Variants in GNAQ observed in about 807,000 individuals in gnomAD.
The protein encoded by GNAQ is guanine nucleotide-binding protein G(q) subunit alpha.
A neutral mutation model predicts 43.9 loss-of-function variants in GNAQ; 8 were observed. The observed-to-expected ratio is 0.18, with a 90% CI of 0.11 to 0.33. GNAQ has a LOEUF of 0.33. Among genes scored for constraint, GNAQ ranks in the 10% least tolerant of loss-of-function variants. The pLI, the probability that GNAQ is intolerant of heterozygous loss-of-function variation, is 1.00. For synonymous variants in GNAQ, 155 were observed against 170.7 expected (o/e 0.91, Z 0.71); for missense variants, 158 against 450.8 (o/e 0.35, Z 5.88).
intron 1 of GNAQ, among the ~76,000 whole-genome samples, chr9:77,977,809 A>G (rs990825930): frequency 2.6e-5 from 4 of 152,192 alleles, no homozygotes; most frequent in African/African-American, 9.6e-5. Context: ...TATTTTGATC[A>G]GGATCCAACC....
At chr9:77,770,168 G>T (rs959693386) in intron 5 of GNAQ, among the ~76,000 whole-genome samples, 5 of 151,958 alleles carry the variant, frequency 3.3e-5, no homozygotes, top group Non-Finnish European at 5.9e-5. Context: ...GGGTTTCGAG[G>T]GTTATATGTA....
intron 1 of GNAQ, among the ~76,000 whole-genome samples, chr9:78,000,902 C>A (rs1823635658): frequency 1.3e-5 from 2 of 152,068 alleles, no homozygotes; most frequent in Admixed American, 6.6e-5. Context: ...AATAACCAAA[C>A]AGAACAAATG....
At chr9:78,011,430 A>G (rs1195977103) in intron 1 of GNAQ, among the ~76,000 whole-genome samples, 1 of 152,218 alleles carries the variant, frequency 6.6e-6, no homozygotes, top group Admixed American at 6.5e-5. Flanking sequence ...AAGGACATGC[A>G]AAAGAAAAAT....
chr9:77,956,943 T>C (rs950793071), intron 1 of GNAQ, among the ~76,000 whole-genome samples: 20 of 152,188 alleles, frequency 1.3e-4, no homozygotes, highest in Admixed American at 5.2e-4. Flanking sequence ...GTGATCCTGA[T>C]GGACAAGCAA....
chr9:77,797,690 C>T (rs1469243076), intron 3 of GNAQ, 42 bp from the exon 4 acceptor site: 2 of 1,592,338 alleles, frequency 1.3e-6, no homozygotes, highest in Admixed American at 1.7e-5. Context: ...GTGACACCAT[C>T]ACACCAAAGC....
chr9:77,802,857 C>T (rs1319273363), intron 3 of GNAQ, among the ~76,000 whole-genome samples: 1 of 152,182 alleles, frequency 6.6e-6, no homozygotes, highest in Non-Finnish European at 1.5e-5. Context: ...ACCCACCTTA[C>T]TCCAATCCCT....
intron 1 of GNAQ, among the ~76,000 whole-genome samples, chr9:77,923,518 A>T (rs1829027652): frequency 6.6e-6 from 1 of 152,172 alleles, no homozygotes; most frequent in Non-Finnish European, 1.5e-5. Context: ...AATGAATTCA[A>T]ATCTAAAAGC....
At chr9:77,899,735 T>C (rs745786778) in intron 2 of GNAQ, among the ~76,000 whole-genome samples, 5 of 152,076 alleles carry the variant, frequency 3.3e-5, no homozygotes, top group Non-Finnish European at 7.4e-5. Flanking sequence ...CAAAAGACCA[T>C]CTGACTGGAC....
chr9:78,008,869 G>A lies in GNAQ; in HGVS notation c.136+22231C>T, dbSNP rs181400783. Reference sequence around the variant, plus strand: ...CCTGACCTCGTGATCCGCCCACCTCGGCCTCCCAAAGTGTTGGGATTACAG... The same window carrying A: ...CCTGACCTCGTGATCCGCCCACCTCAGCCTCCCAAAGTGTTGGGATTACAG... On this transcript the variant is annotated intron_variant, in intron 1 of 6. Coordinates refer to ENST00000286548, the MANE Select transcript of GNAQ (RefSeq NM_002072.5). Among the ~76,000 whole-genome samples, 23 of 152,194 alleles carry A rather than the reference G, an allele frequency of 1.5e-4. No homozygotes were observed. In the South Asian group the frequency reaches 3.9e-3, roughly 26 times the overall value.
intron 2 of GNAQ, among the ~76,000 whole-genome samples, chr9:77,892,153 G>T (rs561220869): frequency 2.2e-4 from 33 of 152,178 alleles, no homozygotes; most frequent in Admixed American, 1.8e-3. Flanking sequence ...CTTAAATCTA[G>T]CCTAGTGCAT....
chr9:77,739,140 T>G (rs1323833619), intron 5 of GNAQ, among the ~76,000 whole-genome samples: 2 of 152,162 alleles, frequency 1.3e-5, no homozygotes, highest in East Asian at 3.9e-4. Context: ...ACTTACTCGT[T>G]TGATTGTTTC....
At position 77,719,025 on chromosome 9, in the gene GNAQ, C is replaced by G. The variant is rs1825268676; in HGVS notation, c.*2298G>C. 4.3e-6 allele frequency: 1 copy of G among 231,422 alleles called. No individual in the cohort carries two copies. The highest frequency in any genetic ancestry group is 8.5e-6 in the Non-Finnish European group (1 of 117,324). The allele number at this position is 231,422 out of a possible 1,614,324, so 14.3% of individuals were successfully genotyped here. ...TTTATGTATTTTGCTATGAAATTAC[C>G]TTTGGGTCTTATAATCAGTATACCT... On this transcript the variant is annotated 3_prime_UTR_variant, in exon 7 of 7. Coordinates refer to ENST00000286548, the MANE Select transcript of GNAQ (RefSeq NM_002072.5).
At chr9:77,996,461 C>T (rs1337622724) in intron 1 of GNAQ, among the ~76,000 whole-genome samples, 1 of 151,918 alleles carries the variant, frequency 6.6e-6, no homozygotes, top group African/African-American at 2.4e-5. Context: ...GGGCGGATCA[C>T]GAGGTCAGGA....
At chr9:77,960,054 T>C (rs1299083074) in intron 1 of GNAQ, among the ~76,000 whole-genome samples, 3 of 152,182 alleles carry the variant, frequency 2.0e-5, no homozygotes, top group Non-Finnish European at 4.4e-5. Context: ...TTTTTATTCA[T>C]ATAATTCTCT....
chr9:77,945,645 T>C (rs1011926147), intron 1 of GNAQ, among the ~76,000 whole-genome samples: 14 of 152,226 alleles, frequency 9.2e-5, no homozygotes, highest in Admixed American at 6.5e-4. Context: ...TAATTATACA[T>C]GGATGATCTA....
In GNAQ at chr9:77,716,754, A is replaced by ATG; in HGVS notation, c.*4567_*4568dup. The ATG allele has an allele frequency of 4.3e-6, 1 of 232,986 alleles. No homozygotes were observed. Among genetic ancestry groups the ATG allele is most frequent in the African/African-American group, 2.2e-5 (1 of 45,462 alleles). The allele number at this position is 232,986 out of a possible 1,614,324, so 14.4% of individuals were successfully genotyped here. On this transcript the variant is annotated 3_prime_UTR_variant, in exon 7 of 7. Coordinates refer to ENST00000286548, the MANE Select transcript of GNAQ (RefSeq NM_002072.5). ...CAATAGATGTTTTCATAACATGTAA[A>ATG]TGTCATTTGCTATATTGGGTTGGAA...
chr9:77,850,570 C>T (rs1297097989), intron 2 of GNAQ, among the ~76,000 whole-genome samples: 1 of 152,168 alleles, frequency 6.6e-6, no homozygotes, highest in Non-Finnish European at 1.5e-5. Context: ...AAAGCCTTTC[C>T]ACAGCTCCAC....
At chr9:77,723,143 C>G (rs923615916) in intron 6 of GNAQ, among the ~76,000 whole-genome samples, 4 of 152,192 alleles carry the variant, frequency 2.6e-5, no homozygotes, top group Admixed American at 6.5e-5. Flanking sequence ...TCAATAAGCA[C>G]AGGAAAAGAT....
At chr9:77,798,582 C>A (rs562329642) in intron 3 of GNAQ, among the ~76,000 whole-genome samples, 2 of 152,256 alleles carry the variant, frequency 1.3e-5, no homozygotes, top group African/African-American at 4.8e-5. Flanking sequence ...GCGACTGGAT[C>A]CAGGACCTCC....
Sources: allele counts gnomAD v4.1 joint callset (sites outside exome capture counted in the v4.1 genomes callset), GRCh38; gene constraint gnomAD v4.1.1; transcripts MANE v1.5; gene names NCBI Gene and HGNC (gene_info 2026-07-23, HGNC 2026-07-21).